Variants in AGBL4 observed in about 807,000 individuals in gnomAD.
AGBL4 encodes the protein AGBL carboxypeptidase 4, also known as cytosolic carboxypeptidase 6.
Under a neutral mutation model 66.4 loss-of-function variants are expected in AGBL4, and 58 were observed. The ratio of observed to expected loss-of-function variants is 0.87; its 90% confidence interval spans 0.71 to 1.09. The LOEUF (loss-of-function observed/expected upper bound fraction) is 1.09, where lower values mean the gene tolerates loss of function less well. Among genes scored for constraint, AGBL4 ranks in the 50% least tolerant of loss-of-function variants. The pLI is 0.00. For missense variants in AGBL4, 579 were observed against 631.0 expected, an observed-to-expected ratio of 0.92 and a Z score of 0.88; for synonymous variants, 234 against 222.9, an observed-to-expected ratio of 1.05 and a Z score of -0.44.
At position 49,984,518 on chromosome 1, in the gene AGBL4, A is replaced by C. The variant is rs75761626; in HGVS notation, c.34+39245T>G. On this transcript the variant is annotated intron_variant, in intron 1 of 13. Transcript: ENST00000371839. The stretch of plus-strand genomic sequence containing the variant: ...CATGAATATTCATAGCTCCTCCTGT[A>C]ACCTGTTGAACATGTATATTTAGCC... 2.1e-3 allele frequency among the ~76,000 whole-genome samples: 313 copies of C among 152,300 alleles called. 4 individuals carry two copies. Among genetic ancestry groups the C allele is most frequent in the African/African-American group, 7.0e-3 (291 of 41,562 alleles).
intron 3 of AGBL4, among the ~76,000 whole-genome samples, chr1:49,687,180 C>T (rs1646802196): frequency 1.3e-5 from 2 of 152,080 alleles, no homozygotes; most frequent in Admixed American, 1.3e-4. Context: ...TATAATGCTC[C>T]AGCTTCAGTG....
chr1:49,541,474 C>T (rs554071002), intron 3 of AGBL4, among the ~76,000 whole-genome samples: 8 of 152,296 alleles, frequency 5.3e-5, no homozygotes, highest in Non-Finnish European at 7.4e-5. Flanking sequence ...GCTTAGCACC[C>T]GGGCCAGGAG....
At chr1:49,484,102 T>C (rs1647013046) in intron 3 of AGBL4, among the ~76,000 whole-genome samples, 1 of 151,980 alleles carries the variant, frequency 6.6e-6, no homozygotes, top group Admixed American at 6.6e-5. Context: ...CAATAACAAA[T>C]GCAAGTGAGG....
chr1:49,496,795 A>G lies in AGBL4; in HGVS notation c.282+200518T>C, dbSNP rs150811057. On this transcript the variant is annotated intron_variant, in intron 3 of 13. Coordinates refer to ENST00000371839, the MANE Select transcript of AGBL4 (RefSeq NM_032785.4). The stretch of plus-strand genomic sequence containing the variant: ...GCTGATAGATACTTATGTTGATTCT[A>G]TATCTTGAATATTGTGAAAAATGCT... 2.8e-3 allele frequency among the ~76,000 whole-genome samples: 431 copies of G among 151,620 alleles called. 2 individuals are homozygous for G. The highest frequency in any genetic ancestry group is 4.2e-3 in the Non-Finnish European group (283 of 67,818).
chr1:49,340,837 C>G (rs1279305449), intron 3 of AGBL4, among the ~76,000 whole-genome samples: 13 of 152,190 alleles, frequency 8.5e-5, no homozygotes, highest in Non-Finnish European at 1.8e-4. Flanking sequence ...CAGGACTTAA[C>G]AGACCCAGGA....
chr1:49,151,573 A>C (rs1443255805), intron 4 of AGBL4, among the ~76,000 whole-genome samples: 1 of 126,970 alleles, frequency 7.9e-6, no homozygotes, highest in Non-Finnish European at 1.7e-5. Context: ...TGACAGTTAC[A>C]AAAAAAAAAA....
At chr1:49,002,482 G>A (rs761292605) in intron 5 of AGBL4, among the ~76,000 whole-genome samples, 2 of 152,132 alleles carry the variant, frequency 1.3e-5, no homozygotes, top group Non-Finnish European at 1.5e-5. Context: ...AACATTCTCT[G>A]TACCTTCAAA....
chr1:48,584,058 G>C (rs577604718), intron 11 of AGBL4: 2 of 151,848 alleles, frequency 1.3e-5, no homozygotes, highest in Non-Finnish European at 2.9e-5. Flanking sequence ...TTCCAATCAC[G>C]AGCTCCCATT....
At chr1:48,808,502 C>T (rs1425639605) in intron 6 of AGBL4, among the ~76,000 whole-genome samples, 1 of 152,166 alleles carries the variant, frequency 6.6e-6, no homozygotes, top group African/African-American at 2.4e-5. Context: ...CCTGATGAGG[C>T]AGGGCCAAAT....
At chr1:48,548,087 G>A (rs1429310172) in intron 11 of AGBL4, among the ~76,000 whole-genome samples, 2 of 152,082 alleles carry the variant, frequency 1.3e-5, no homozygotes, top group Non-Finnish European at 2.9e-5. Context: ...GAACAAAACT[G>A]GCAAAGACCT....
intron 3 of AGBL4, among the ~76,000 whole-genome samples, chr1:49,440,783 C>T (rs1646010940): frequency 6.6e-6 from 1 of 152,182 alleles, no homozygotes; most frequent in Non-Finnish European, 1.5e-5. Flanking sequence ...CGCCAGGTAT[C>T]TACTGTTAAA....
chr1:48,920,283 T>A (rs921051214), intron 5 of AGBL4, among the ~76,000 whole-genome samples: 1 of 152,186 alleles, frequency 6.6e-6, no homozygotes, highest in Non-Finnish European at 1.5e-5. Flanking sequence ...GTGGGGACTG[T>A]AGTTTCACCA....
At chr1:48,856,701 G>A (rs897993181) in intron 6 of AGBL4, among the ~76,000 whole-genome samples, 10 of 152,180 alleles carry the variant, frequency 6.6e-5, no homozygotes, top group African/African-American at 1.7e-4. Context: ...AATAGGTATT[G>A]CTTTAACAAG....
chr1:49,948,161 AATATATAAATATATATAACT>A (rs1557608672), intron 1 of AGBL4, among the ~76,000 whole-genome samples: 3 of 102,552 alleles, frequency 2.9e-5, no homozygotes, highest in Non-Finnish European at 5.1e-5. Flanking sequence ...AATATACGTA[AATATATAAATATATATAACT>A]ATATATAAAT....
At chr1:49,942,759 TAGTC>T (rs1490895113) in intron 1 of AGBL4, among the ~76,000 whole-genome samples, 1 of 152,140 alleles carries the variant, frequency 6.6e-6, no homozygotes, top group African/African-American at 2.4e-5. Flanking sequence ...TTCTTGACCT[TAGTC>T]TGAGTAATGA....
intron 2 of AGBL4, among the ~76,000 whole-genome samples, chr1:49,772,144 C>T (rs1475371358): frequency 2.0e-5 from 3 of 152,020 alleles, no homozygotes; most frequent in Non-Finnish European, 4.4e-5. Context: ...TGTGTATCTA[C>T]CATAAATTCT....
rs1645583298 is a variant in AGBL4 at position 48,630,957 on chromosome 1, C to T, written c.951+3536G>A. 2.0e-5 allele frequency among the ~76,000 whole-genome samples: 3 copies of T among 152,172 alleles called. No homozygotes were observed. The South Asian group carries it at 6.2e-4, about 32-fold the overall frequency. The stretch of plus-strand genomic sequence containing the variant: ...CCTCCTGGGTTGGGTTCCCACAACC[C>T]CTGTGCTTTACTCTATAAATGCACC... On this transcript the variant is annotated intron_variant, in intron 9 of 13. Transcript: ENST00000371839.
chr1:49,699,646 A>C (rs1342914339), intron 2 of AGBL4, among the ~76,000 whole-genome samples: 1 of 152,016 alleles, frequency 6.6e-6, no homozygotes, highest in Non-Finnish European at 1.5e-5. Context: ...GCAAAAAGAA[A>C]AATATTGCAT....
chr1:49,838,696 AC>A (rs1437603049), intron 2 of AGBL4, among the ~76,000 whole-genome samples: 1 of 152,230 alleles, frequency 6.6e-6, no homozygotes, highest in Non-Finnish European at 1.5e-5. Flanking sequence ...AGTGTTATTT[AC>A]AAATGGGAAG....
Sources: gnomAD v4.1 joint callset for allele counts (sites outside exome capture counted in the v4.1 genomes callset) on GRCh38, gnomAD v4.1.1 for gene constraint, MANE v1.5 for transcripts, NCBI Gene and HGNC (gene_info 2026-07-23, HGNC 2026-07-21) for gene names.